Variants in MYBL2 observed in about 807,000 individuals in gnomAD.
MYBL2 encodes myb-related protein B.
In MYBL2, 28 loss-of-function variants were observed where a neutral mutation model predicts 79.9. That is an observed-to-expected ratio of 0.35 (90% CI 0.26 to 0.48). The LOEUF is 0.48. Among genes scored for constraint, MYBL2 ranks in the 20% least tolerant of loss-of-function variants. The pLI is 0.99. For synonymous variants in MYBL2, 378 were observed against 361.2 expected (o/e 1.05, Z -0.53); for missense variants, 735 against 893.9 (o/e 0.82, Z 2.27).
Position 43,716,441 on chromosome 20 carries a change from T to G in MYBL2, c.*354T>G, listed in dbSNP as rs1988035868. 3.6e-6 allele frequency: 1 copy of G among 274,648 alleles called. No individual in the cohort carries two copies. Among genetic ancestry groups the G allele is most frequent in the Non-Finnish European group, 6.7e-6 (1 of 148,348 alleles). 17.0% of individuals were successfully genotyped at this position (274,648 alleles called of 1,614,324 possible). On this transcript the variant is annotated 3_prime_UTR_variant, in exon 14 of 14. Coordinates refer to ENST00000217026, the MANE Select transcript of MYBL2 (RefSeq NM_002466.4). ...CAGGGGTGCTCCTGTGCTCACCCTC[T>G]CTTGGTGCATTTTTTTGGAAGAATA...
rs2145738484 is a variant in MYBL2, at chr20:43,715,370, A to G, written c.1974+87A>G. The G allele has an allele frequency of 2.5e-6, 4 of 1,579,416 alleles. No individual in the cohort carries two copies. The East Asian group carries it at 6.7e-5, about 27-fold the overall frequency. On this transcript the variant is annotated intron_variant, in intron 13 of 13. Transcript: ENST00000217026. Reference sequence around the variant, plus strand: ...TGCTGGCCATCCCTGGGGGTCCTGCAGTGCCCGCCTTCTTAGCTCAGGGCC... The same window carrying G: ...TGCTGGCCATCCCTGGGGGTCCTGCGGTGCCCGCCTTCTTAGCTCAGGGCC...
chr20:43,693,324 G>A (rs1462438383), intron 6 of MYBL2, among the ~76,000 whole-genome samples: 1 of 152,136 alleles, frequency 6.6e-6, no homozygotes, highest in Admixed American at 6.6e-5. Context: ...GAGCCACCAT[G>A]TCTGGCACTA....
chr20:43,699,797 T>C lies in MYBL2; in HGVS notation c.704T>C (p.Ile235Thr). The C allele has an allele frequency of 6.2e-7, 1 of 1,613,968 alleles. No homozygotes were observed. The highest frequency in any genetic ancestry group is 1.7e-5 in the Admixed American group (1 of 59,988). The part of the protein sequence containing the change: ...LTNWPSVPPT[I>T]KEEENSEEEL... ...AACTGGCCCTCCGTCCCTCCTACCA[T>C]AAAGGAGGAGGAAAACAGTGAGGAG... The change falls in exon 7 of 14, where the codon ATA becomes ACA. Residue 235 changes from isoleucine to threonine, a missense_variant. Coordinates refer to ENST00000217026, the MANE Select transcript of MYBL2 (RefSeq NM_002466.4).
intron 7 of MYBL2, 37 bp downstream of exon 7, chr20:43,700,081 C>T (rs1407760203): frequency 1.3e-6 from 2 of 1,596,770 alleles, no homozygotes; most frequent in Non-Finnish European, 8.5e-7. Flanking sequence ...GAGCACAGAA[C>T]ACCCCCAGCA....
At chr20:43,673,697 C>T in intron 1 of MYBL2, 109 bp from the exon 2 acceptor site, 1 of 997,254 alleles carries the variant, frequency 1.0e-6, no homozygotes, top group Non-Finnish European at 1.6e-6. Flanking sequence ...GTAAGAGCCT[C>T]TCTCCCCCAG....
chr20:43,692,216 G>T lies in MYBL2; in HGVS notation c.560G>T (p.Gly187Val). The T allele has an allele frequency of 6.2e-7, 1 of 1,614,142 alleles. No individual in the cohort carries two copies. Among genetic ancestry groups the T allele is most frequent in the Non-Finnish European group, 8.5e-7 (1 of 1,180,032 alleles). The change falls in exon 6 of 14, where the codon GGA becomes GTA. Residue 187 changes from glycine to valine, a missense_variant. Around this residue, in one of 5 missense-constraint regions of MYBL2, gnomAD observed 144 missense variants for 131.9 expected, o/e 1.09. Coordinates refer to ENST00000217026, the MANE Select transcript of MYBL2 (RefSeq NM_002466.4). ...ACCATCAAAAGGAAGGTGGACACAG[G>T]AGGCTTCTTGAGCGAGTCCAAAGAC... ...NSTIKRKVDT[G>V]GFLSESKDCK... is the part of the protein sequence containing the mutation.
intron 1 of MYBL2, among the ~76,000 whole-genome samples, chr20:43,673,246 CT>C (rs3091633): frequency 0.078 from 11,254 of 144,894 alleles, 1,217 homozygotes; most frequent in African/African-American, 0.24. Flanking sequence ...TGCCTGGCCT[CT>C]TTTTTTTTTT....
chr20:43,687,738 G>A (rs969126065), intron 5 of MYBL2, among the ~76,000 whole-genome samples: 4 of 151,850 alleles, frequency 2.6e-5, no homozygotes, highest in African/African-American at 7.3e-5. Context: ...GTTTATGGAC[G>A]GGCATGGTGG....
At chr20:43,689,378 C>A (rs1266514970) in intron 5 of MYBL2, among the ~76,000 whole-genome samples, 1 of 152,124 alleles carries the variant, frequency 6.6e-6, no homozygotes, top group Non-Finnish European at 1.5e-5. Flanking sequence ...GCTTCTTTCC[C>A]CCCATGGCCT....
Position 43,692,277 on chromosome 20 carries a change from G to T in MYBL2, c.621G>T (p.Glu207Asp), listed in dbSNP as rs552020308. The T allele has an allele frequency of 6.2e-7, 1 of 1,614,220 alleles. No individual in the cohort carries two copies. The highest frequency in any genetic ancestry group is 1.3e-5 in the African/African-American group (1 of 75,062). Residue 207 changes from glutamate (E) to aspartate (D), a missense_variant, in exon 6 of 14, where the codon GAG (glutamate) becomes GAT (aspartate). Around this residue, in one of 5 missense-constraint regions of MYBL2, gnomAD observed 144 missense variants for 131.9 expected, o/e 1.09. Coordinates refer to ENST00000217026, the MANE Select transcript of MYBL2 (RefSeq NM_002466.4). ...CAGTGTACTTGCTGCTGGAGCTCGAGGACAAGGACGGCCTCCAGAGTGCCC... is the reference window on the plus strand; with the variant it reads ...CAGTGTACTTGCTGCTGGAGCTCGATGACAAGGACGGCCTCCAGAGTGCCC... The part of the protein sequence containing the change: ...KPPVYLLLEL[E>D]DKDGLQSAQP...
rs754833538 is a variant in MYBL2 at position 43,700,010 on chromosome 20, C to G, written c.917C>G (p.Ser306Cys). 29 of 1,613,138 alleles carry G rather than the reference C, an allele frequency of 1.8e-5. No homozygotes were observed. The highest frequency in any genetic ancestry group is 5.0e-5 in the Admixed American group (3 of 59,994). The change falls in exon 7 of 14, where the codon TCT (serine) becomes TGT (cysteine). Residue 306 changes from serine (S) to cysteine (C), a missense_variant. By Grantham distance (112) the Ser-to-Cys change is moderately radical. Transcript: ENST00000217026. ...AACCTCCTCATCCCTGCTGTGGGTT[C>G]TAGCCTCTCTGAAGCCCTGGACTTG... ...AANLLIPAVGSSLSEALDLIE... is the reference protein window; with the variant it reads ...AANLLIPAVGCSLSEALDLIE...
Position 43,703,459 on chromosome 20 carries a change from G to A in MYBL2, c.1365+556G>A, listed in dbSNP as rs549663297. On this transcript the variant is annotated intron_variant, in intron 8 of 13. Transcript: ENST00000217026. ...CTCTGTTAGTAACACACAGAGCCTC[G>A]GGAGCCGGGATGGGTGCCAGGGTCT... Among the ~76,000 whole-genome samples the A allele has an allele frequency of 5.9e-5, 9 of 152,314 alleles. 1 individual carries two copies. The highest frequency in any genetic ancestry group is 1.7e-4 in the African/African-American group (7 of 41,570).
At chr20:43,706,308 G>A (rs1236628903) in intron 9 of MYBL2, among the ~76,000 whole-genome samples, 2 of 152,104 alleles carry the variant, frequency 1.3e-5, no homozygotes, top group Admixed American at 6.6e-5. Context: ...CTGAGCTTAC[G>A]GAGCATGACA....
chr20:43,715,077 C>G, intron 12 of MYBL2, 57 bp from the exon 13 acceptor site: 2 of 1,597,154 alleles, frequency 1.3e-6, no homozygotes, highest in Non-Finnish European at 1.7e-6. Flanking sequence ...GGGTTTTTTT[C>G]TTCCCTCTCA....
In MYBL2 at chr20:43,694,855, G is replaced by T. The variant is rs1361266644; in HGVS notation, c.663+2536G>T. Among the ~76,000 whole-genome samples, 13 of 152,236 alleles carry T rather than the reference G, an allele frequency of 8.5e-5. 1 individual carries two copies. The South Asian group carries it at 2.1e-3, about 24-fold the overall frequency. On this transcript the variant is annotated intron_variant, in intron 6 of 13. Transcript: ENST00000217026. ...CAAAGAGAAACAGCGGGCATCAGCCGACTCATAGAAGACTTTCAGCATAGG... is the reference window on the plus strand; with the variant it reads ...CAAAGAGAAACAGCGGGCATCAGCCTACTCATAGAAGACTTTCAGCATAGG...
chr20:43,679,736 C>G (rs1987101282), intron 2 of MYBL2, among the ~76,000 whole-genome samples: 1 of 152,042 alleles, frequency 6.6e-6, no homozygotes, highest in Non-Finnish European at 1.5e-5. Context: ...ATGTGAGATC[C>G]TGTCTCTACA....
intron 9 of MYBL2, among the ~76,000 whole-genome samples, chr20:43,708,880 T>C (rs1987844814): frequency 6.6e-6 from 1 of 152,206 alleles, no homozygotes; most frequent in Admixed American, 6.5e-5. Context: ...GTAAGATGTG[T>C]ACATTTGACT....
chr20:43,711,018 T>C (rs1987892716), intron 10 of MYBL2, among the ~76,000 whole-genome samples: 1 of 152,186 alleles, frequency 6.6e-6, no homozygotes, highest in Admixed American at 6.5e-5. Flanking sequence ...CCCTCCCCTG[T>C]TCTCTGTTGC....
chr20:43,686,601 C>T (rs139877064), intron 4 of MYBL2, among the ~76,000 whole-genome samples: 1 of 152,302 alleles, frequency 6.6e-6, no homozygotes, highest in Non-Finnish European at 1.5e-5. Flanking sequence ...TAGAAAGGGT[C>T]TCTGGTATTC....
Sources: gnomAD v4.1 joint callset for allele counts (sites outside exome capture counted in the v4.1 genomes callset) on GRCh38, gnomAD v4.1.1 for gene constraint, gnomAD v4.1.1 regional missense constraint, MANE v1.5 for transcripts, NCBI Gene and HGNC (gene_info 2026-07-23, HGNC 2026-07-21) for gene names.